The following CIP2A variants were observed in gnomAD, a reference collection of about 807,000 sequenced individuals.
CIP2A encodes cellular inhibitor of PP2A, also known as protein CIP2A.
Under a neutral mutation model 110.9 loss-of-function variants are expected in CIP2A, and 103 were observed. The ratio of observed to expected loss-of-function variants is 0.93; its 90% CI spans 0.79 to 1.09. The LOEUF (loss-of-function observed/expected upper bound fraction) is 1.09. Among genes scored for constraint, CIP2A ranks in the 50% least tolerant of loss-of-function variants. The probability of loss-of-function intolerance (pLI) is 0.00; values close to 1 mark genes in which losing one functional copy is unlikely to be tolerated. For missense variants in CIP2A, 1,088 were observed against 1,038.4 expected (o/e 1.05, Z -0.66); for synonymous variants, 381 against 361.6 (o/e 1.05, Z -0.61).
In CIP2A at chr3:108,560,023, C is replaced by T. The variant is rs751557429; in HGVS notation, c.1833G>A (p.Lys611=). 11 of 1,576,296 alleles carry T rather than the reference C, an allele frequency of 7.0e-6. No homozygotes were observed. In the Admixed American group the frequency reaches 1.0e-4, roughly 15 times the overall value. Reference sequence around the variant, plus strand: ...ATATTCTCACATCACAAATCTGATCCTTTACCTACATTTTAAGAGTAAAAA... The same window carrying T: ...ATATTCTCACATCACAAATCTGATCTTTTACCTACATTTTAAGAGTAAAAA... ...IEKLQSGMVV[K]DQICDVRISD... The change falls in exon 15 of 21, where the codon AAG becomes AAA. Residue 611 remains lysine (K), a synonymous_variant. Coordinates refer to ENST00000295746, the MANE Select transcript of CIP2A (RefSeq NM_020890.3).
intron 14 of CIP2A, among the ~76,000 whole-genome samples, chr3:108,560,265 G>A (rs1031336102): frequency 2.0e-5 from 3 of 151,720 alleles, no homozygotes; most frequent in African/African-American, 7.3e-5. Flanking sequence ...TCTGCCTCCT[G>A]GGTTCAAGTG....
At chr3:108,586,518 C>T (rs974442361) in intron 1 of CIP2A, among the ~76,000 whole-genome samples, 2 of 152,142 alleles carry the variant, frequency 1.3e-5, no homozygotes, top group African/African-American at 2.4e-5. Flanking sequence ...TTTCCCTTTA[C>T]TTATACTGAA....
intron 9 of CIP2A, among the ~76,000 whole-genome samples, chr3:108,569,168 C>CTCTATATATATA (rs1553694601): frequency 9.0e-5 from 1 of 11,086 alleles, no homozygotes; most frequent in African/African-American, 2.1e-4. Context: ...GAAATGAGCA[C>CTCTATATATATA]TATATATATA....
At position 108,571,293 on chromosome 3, in the gene CIP2A, ATG is replaced by A. The variant is rs374958320; in HGVS notation, c.895-1688_895-1687del. On this transcript the variant is annotated intron_variant, in intron 8 of 20. Transcript: ENST00000295746. ...ACTATGTACTGTATACAATCTTAAT[ATG>A]TGTTATAGTTTTATACAGCTGGCAG... 9.2e-5 allele frequency among the ~76,000 whole-genome samples: 14 copies of A among 152,274 alleles called. No individual in the cohort carries two copies. The East Asian group carries it at 2.5e-3, about 27-fold the overall frequency.
Position 108,568,320 on chromosome 3 carries a change from G to A in CIP2A, c.1114-6C>T, listed in dbSNP as rs377322929. 78 of 1,609,612 alleles carry A rather than the reference G, an allele frequency of 4.8e-5. No homozygotes were observed. Among genetic ancestry groups the A allele is most frequent in the Non-Finnish European group, 6.5e-5 (76 of 1,177,350 alleles). ...TTAGCAGCATCTATGACATCCTGGA[G>A]AATTATCCATCACAAATGATTAAAA... is the stretch of plus-strand genomic sequence containing the variant. On this transcript the variant is annotated splice_region_variant and splice_polypyrimidine_tract_variant and intron_variant, in intron 9 of 20. Coordinates refer to ENST00000295746, the MANE Select transcript of CIP2A (RefSeq NM_020890.3).
chr3:108,582,139 C>A lies in CIP2A; in HGVS notation c.421G>T (p.Asp141Tyr). The A allele has an allele frequency of 6.7e-7, 1 of 1,503,214 alleles. No individual in the cohort carries two copies. Among genetic ancestry groups the A allele is most frequent in the Non-Finnish European group, 9.1e-7 (1 of 1,093,534 alleles). The allele number at this position is 1,503,214 out of a possible 1,614,324, so 93.1% of individuals were successfully genotyped here. A position where few individuals can be genotyped will look rare whatever the true frequency, so the allele number is the denominator to read the frequency against. The change falls in exon 4 of 21, where the codon GAT becomes TAT. Residue 141 changes from aspartate (D) to tyrosine (Y), a missense_variant. By Grantham distance (160) the Asp-to-Tyr change is radical (BLOSUM62 -3). Coordinates refer to ENST00000295746, the MANE Select transcript of CIP2A (RefSeq NM_020890.3). ...TCTATCAGGAACGTAATTAATTCAT[C>A]TATATTGGCACCAGAATAGAAAATT... is the stretch of plus-strand genomic sequence containing the variant. The part of the protein sequence containing the change: ...VKIFYSGANI[D>Y]ELITFLIDHI...
Position 108,568,213 on chromosome 3 carries a change from A to C in CIP2A, c.1215T>G (p.Asp405Glu), listed in dbSNP as rs1938252101. The change falls in exon 10 of 21, where the codon GAT (aspartate) becomes GAG (glutamate). Residue 405 changes from aspartate to glutamate, a missense_variant. Asp to Glu is a conservative substitution (Grantham distance 45, BLOSUM62 2). Transcript: ENST00000295746. Reference protein sequence around the residue: ...DQLQFTEQNLDEALTRKKCER... With the variant: ...DQLQFTEQNLEEALTRKKCER... ...CACATTTTTTTCTTGTTAAAGCCTCATCTAGATTTTGTTCTGTGAACTGAA... is the reference window on the plus strand; with the variant it reads ...CACATTTTTTTCTTGTTAAAGCCTCCTCTAGATTTTGTTCTGTGAACTGAA... The C allele has an allele frequency of 1.2e-6, 2 of 1,612,288 alleles. No individual in the cohort carries two copies. Among genetic ancestry groups the C allele is most frequent in the African/African-American group, 1.3e-5 (1 of 74,828 alleles).
At position 108,559,954 on chromosome 3, in the gene CIP2A, A is replaced by C; in HGVS notation, c.1902T>G (p.Ala634=). 1.3e-6 allele frequency: 2 copies of C among 1,593,996 alleles called. No individual in the cohort carries two copies. Among genetic ancestry groups the C allele is most frequent in the South Asian group, 1.1e-5 (1 of 90,088 alleles). ...DVYEMKLSTL[A]SKESRLQDLL... is the part of the protein sequence containing the mutation. The stretch of plus-strand genomic sequence containing the variant: ...ATTGTTAAAATAAGCTTATACTCAC[A>C]GCTAATGTGGATAGTTTCATTTCAT... The change falls in exon 15 of 21, where the codon GCT becomes GCG. Residue 634 remains alanine (A), a splice_region_variant and synonymous_variant. Transcript: ENST00000295746.
chr3:108,585,228 C>T lies in CIP2A; in HGVS notation c.103-16G>A. The T allele has an allele frequency of 6.3e-7, 1 of 1,586,920 alleles. No homozygotes were observed. The highest frequency in any genetic ancestry group is 8.6e-7 in the Non-Finnish European group (1 of 1,164,120). ...CAGAAATTACCTATAAAATAGTAAT[C>T]AAAATGTGTTGGTTAAGCGATGGCA... On this transcript the variant is annotated splice_polypyrimidine_tract_variant and intron_variant, in intron 1 of 20. Coordinates refer to ENST00000295746, the MANE Select transcript of CIP2A (RefSeq NM_020890.3).
At chr3:108,578,459 A>G (rs761278936) in intron 7 of CIP2A, among the ~76,000 whole-genome samples, 4 of 152,028 alleles carry the variant, frequency 2.6e-5, no homozygotes, top group African/African-American at 7.2e-5. Context: ...CAGCTGAGCC[A>G]TATGAACAAT....
chr3:108,581,067 G>A (rs139868542), intron 5 of CIP2A, among the ~76,000 whole-genome samples: 1 of 152,336 alleles, frequency 6.6e-6, no homozygotes, highest in East Asian at 1.9e-4. Flanking sequence ...ACACAAGACT[G>A]AGATAAATGG....
intron 8 of CIP2A, among the ~76,000 whole-genome samples, chr3:108,572,450 C>T (rs1938433019): frequency 6.6e-6 from 1 of 151,708 alleles, no homozygotes; most frequent in African/African-American, 2.4e-5. Flanking sequence ...TTGAAATGAC[C>T]ATACTTTTAA....
intron 7 of CIP2A, among the ~76,000 whole-genome samples, chr3:108,577,114 T>C (rs912310358): frequency 1.3e-5 from 2 of 152,116 alleles, no homozygotes; most frequent in South Asian, 2.1e-4. Context: ...CATGGATACA[T>C]AAAAGGGCAT....
At chr3:108,587,495 G>A (rs1214483360) in intron 1 of CIP2A, among the ~76,000 whole-genome samples, 1 of 152,142 alleles carries the variant, frequency 6.6e-6, no homozygotes, top group Non-Finnish European at 1.5e-5. Flanking sequence ...GGCTAGAAAT[G>A]TTCTGTATCA....
intron 8 of CIP2A, among the ~76,000 whole-genome samples, chr3:108,575,438 A>G (rs1426422187): frequency 1.4e-5 from 2 of 147,920 alleles, no homozygotes; most frequent in East Asian, 4.0e-4. Context: ...ACATACACAT[A>G]CATATATACA....
In CIP2A at chr3:108,582,210, T is replaced by C. The variant is rs1938906836; in HGVS notation, c.358-8A>G. On this transcript the variant is annotated splice_region_variant and splice_polypyrimidine_tract_variant and intron_variant, in intron 3 of 20. Coordinates refer to ENST00000295746, the MANE Select transcript of CIP2A (RefSeq NM_020890.3). ...CTGTAGAAGTTGAATGCACTGAGAA[T>C]AAGAAAATAGTTATAAATATAAAGA... 2.6e-6 allele frequency: 3 copies of C among 1,165,036 alleles called. No individual in the cohort carries two copies. Among genetic ancestry groups the C allele is most frequent in the Non-Finnish European group, 3.7e-6 (3 of 804,886 alleles). 72.2% of individuals were successfully genotyped at this position (1,165,036 alleles called of 1,614,324 possible).
At chr3:108,558,269 G>A (rs1937880790) in intron 16 of CIP2A, among the ~76,000 whole-genome samples, 1 of 151,912 alleles carries the variant, frequency 6.6e-6, no homozygotes, top group African/African-American at 2.4e-5. Context: ...AAGAAATATG[G>A]GGGAAAAAAA....
At chr3:108,560,133 G>C (rs1216188297) in intron 14 of CIP2A, 105 bp from the exon 15 acceptor site, 7 of 643,596 alleles carry the variant, frequency 1.1e-5, no homozygotes, top group Non-Finnish European at 1.9e-5. Flanking sequence ...TTAATGATGA[G>C]TAACAAAATA....
chr3:108,564,007 T>C (rs917893050), intron 12 of CIP2A, among the ~76,000 whole-genome samples: 2 of 152,018 alleles, frequency 1.3e-5, no homozygotes, highest in African/African-American at 4.8e-5. Context: ...TCTTAAATAA[T>C]GGACATAACA....
Sources: gnomAD v4.1 joint callset for allele counts (sites outside exome capture counted in the v4.1 genomes callset) on GRCh38, gnomAD v4.1.1 for gene constraint, MANE v1.5 for transcripts, NCBI Gene and HGNC (gene_info 2026-07-23, HGNC 2026-07-21) for gene names.